GNAL: variants seen among roughly 807,000 people sequenced by gnomAD.
The protein encoded by GNAL is guanine nucleotide-binding protein G(olf) subunit alpha.
A neutral mutation model predicts 55.1 loss-of-function variants in GNAL; 18 were observed. That is an observed-to-expected ratio of 0.33 (90% CI 0.23 to 0.48). GNAL has a LOEUF of 0.48. Ranked by LOEUF, GNAL falls within the 20% of genes least tolerant of loss-of-function variation. The probability of loss-of-function intolerance (pLI) is 0.99; values close to 1 mark genes in which losing one functional copy is unlikely to be tolerated. For missense variants in GNAL, 412 were observed against 614.1 expected, an observed-to-expected ratio of 0.67 and a Z score of 3.48; for synonymous variants, 253 against 237.0, an observed-to-expected ratio of 1.07 and a Z score of -0.62.
At chr18:11,697,363 C>A (rs2031443841) in intron 1 of GNAL, among the ~76,000 whole-genome samples, 1 of 152,026 alleles carries the variant, frequency 6.6e-6, no homozygotes, top group Non-Finnish European at 1.5e-5. Context: ...CATGGTGAAA[C>A]CCCATCTCTA....
intron 4 of GNAL, among the ~76,000 whole-genome samples, chr18:11,771,254 T>G (rs1252848068): frequency 1.3e-5 from 2 of 150,932 alleles, no homozygotes; most frequent in African/African-American, 4.9e-5. Context: ...TTATCATTAG[T>G]GTTTCTTATT....
At chr18:11,864,852 C>CT (rs925464591) in intron 7 of GNAL, among the ~76,000 whole-genome samples, 16 of 152,014 alleles carry the variant, frequency 1.1e-4, no homozygotes, top group Non-Finnish European at 1.6e-4. Context: ...TTGATTGGCC[C>CT]TTTTTTTTAG....
chr18:11,718,851 T>C (rs912888613), intron 1 of GNAL, among the ~76,000 whole-genome samples: 1 of 152,204 alleles, frequency 6.6e-6, no homozygotes, highest in Admixed American at 6.5e-5. Flanking sequence ...CTTTTCTGGC[T>C]TTTTTTCATT....
At chr18:11,761,147 C>T (rs1453811869) in intron 4 of GNAL, among the ~76,000 whole-genome samples, 1 of 152,180 alleles carries the variant, frequency 6.6e-6, no homozygotes, top group Non-Finnish European at 1.5e-5. Flanking sequence ...TTACTGTCCA[C>T]TCCCCTCTGG....
intron 4 of GNAL, among the ~76,000 whole-genome samples, chr18:11,818,698 G>A (rs1286051849): frequency 2.6e-5 from 4 of 152,182 alleles, no homozygotes; most frequent in Non-Finnish European, 4.4e-5. Flanking sequence ...GCTTTCACAC[G>A]TGCCGGGACG....
chr18:11,746,828 G>A (rs2032698644), intron 1 of GNAL: 1 of 506,004 alleles, frequency 2.0e-6, no homozygotes, highest in Non-Finnish European at 4.0e-6. Flanking sequence ...TGGACGAGTG[G>A]CAGATCGTAT....
chr18:11,763,612 A>G (rs2033313631), intron 4 of GNAL, among the ~76,000 whole-genome samples: 2 of 152,116 alleles, frequency 1.3e-5, no homozygotes, highest in East Asian at 1.9e-4. Flanking sequence ...CCCAGCTTCA[A>G]GTGATCCACC....
intron 5 of GNAL, among the ~76,000 whole-genome samples, chr18:11,850,558 A>G (rs998108139): frequency 6.6e-6 from 1 of 152,242 alleles, no homozygotes; most frequent in Admixed American, 6.5e-5. Flanking sequence ...ACATAGTGAC[A>G]GTTTTGATGT....
At chr18:11,755,413 A>G (rs924121241) in intron 4 of GNAL, among the ~76,000 whole-genome samples, 3 of 152,038 alleles carry the variant, frequency 2.0e-5, no homozygotes, top group Non-Finnish European at 2.9e-5. Context: ...AGCTGGGACT[A>G]CAGGCGCCCG....
At chr18:11,823,857 T>A (rs2035169221) in intron 4 of GNAL, among the ~76,000 whole-genome samples, 1 of 152,212 alleles carries the variant, frequency 6.6e-6, no homozygotes, top group Non-Finnish European at 1.5e-5. Context: ...GTTTTGCTAC[T>A]AATGTAGTCA....
chr18:11,723,962 G>GGGTC (rs1468976519), intron 1 of GNAL, among the ~76,000 whole-genome samples: 3 of 152,178 alleles, frequency 2.0e-5, no homozygotes, highest in Non-Finnish European at 2.9e-5. Context: ...CTTTGAAAGG[G>GGGTC]GGTCGTACCC....
In GNAL at chr18:11,741,713, A is replaced by G. The variant is rs146755197; in HGVS notation, c.377-11140A>G. Among the ~76,000 whole-genome samples, 3 of 152,332 alleles carry G rather than the reference A, an allele frequency of 2.0e-5. No individual in the cohort carries two copies. The East Asian group carries it at 5.8e-4, about 29-fold the overall frequency. On this transcript the variant is annotated intron_variant, in intron 1 of 11. Transcript: ENST00000334049. ...AGCCTCCATCTGTCCCCCAGGCTCC[A>G]TGTTGTCACCTGCTGGTGTAAAAGT...
chr18:11,825,292 A>G (rs962377699), intron 5 of GNAL, among the ~76,000 whole-genome samples: 2 of 152,204 alleles, frequency 1.3e-5, no homozygotes, highest in Non-Finnish European at 2.9e-5. Flanking sequence ...AGCTATATGC[A>G]TATTGGTAAG....
Position 11,751,604 on chromosome 18 carries a change from G to T in GNAL, c.377-1249G>T. 2.0e-6 allele frequency: 2 copies of T among 985,500 alleles called. No homozygotes were observed. The highest frequency in any genetic ancestry group is 2.4e-6 in the Non-Finnish European group (2 of 829,970). 61.0% of individuals were successfully genotyped at this position (985,500 alleles called of 1,614,324 possible). ...GCAGGGACGCGTCCGAGCCAACACG[G>T]GGCGCGCGCCCAGACGCACTTTCCC... On this transcript the variant is annotated intron_variant, in intron 1 of 11. Coordinates refer to ENST00000334049, the MANE Select transcript of GNAL (RefSeq NM_182978.4). The surrounding 1 kb of genome is among the most constrained non-coding windows in gnomAD (Gnocchi z 4.5).
At chr18:11,750,265 C>T (rs893552001) in intron 1 of GNAL, among the ~76,000 whole-genome samples, 1 of 152,084 alleles carries the variant, frequency 6.6e-6, no homozygotes, top group Non-Finnish European at 1.5e-5. Flanking sequence ...AGGTAGAAGG[C>T]GTGAGGGTGG....
intron 11 of GNAL, among the ~76,000 whole-genome samples, chr18:11,880,295 A>C (rs150321562): frequency 7.3e-6 from 1 of 137,300 alleles, no homozygotes; most frequent in African/African-American, 2.7e-5. Flanking sequence ...TAGGTGGGGC[A>C]CAGTGGCTCA....
chr18:11,776,373 G>A (rs770743106), intron 4 of GNAL, among the ~76,000 whole-genome samples: 12 of 152,076 alleles, frequency 7.9e-5, no homozygotes, highest in Non-Finnish European at 1.8e-4. Flanking sequence ...TTGTAAGAGC[G>A]TCACACTCTG....
At chr18:11,755,660 T>C (rs952067652) in intron 4 of GNAL, among the ~76,000 whole-genome samples, 1 of 152,014 alleles carries the variant, frequency 6.6e-6, no homozygotes, top group African/African-American at 2.4e-5. Flanking sequence ...GAGCCAGTGA[T>C]ATCTGTAGAA....
At chr18:11,691,403 T>C (rs2031243062) in intron 1 of GNAL, among the ~76,000 whole-genome samples, 1 of 151,418 alleles carries the variant, frequency 6.6e-6, no homozygotes, top group African/African-American at 2.4e-5. Context: ...TCTCCCATTT[T>C]GTAGGTTGCC....
Sources: allele counts gnomAD v4.1 joint callset (sites outside exome capture counted in the v4.1 genomes callset), GRCh38; gene constraint gnomAD v4.1.1; non-coding constraint Gnocchi (gnomAD v3.1); transcripts MANE v1.5; gene names NCBI Gene and HGNC (gene_info 2026-07-23, HGNC 2026-07-21).